Variants in BRINP1 observed in about 807,000 individuals in gnomAD.
The protein encoded by BRINP1 is BMP/retinoic acid-inducible neural-specific protein 1.
BRINP1 carries 17 observed loss-of-function variants against 72.9 expected under a neutral mutation model. The observed-to-expected ratio is 0.23, with a 90% CI of 0.16 to 0.35. BRINP1 has a LOEUF of 0.35. BRINP1 is among the 10% of genes least tolerant of loss of function. The pLI, the probability that BRINP1 is intolerant of heterozygous loss-of-function variation, is 1.00. For missense variants in BRINP1, 850 were observed against 1,001.6 expected, an observed-to-expected ratio of 0.85 and a Z score of 2.04; for synonymous variants, 418 against 378.5, an observed-to-expected ratio of 1.10 and a Z score of -1.21.
At chr9:119,184,080 CA>C (rs1320439424) in intron 7 of BRINP1, among the ~76,000 whole-genome samples, 1 of 152,082 alleles carries the variant, frequency 6.6e-6, no homozygotes, top group African/African-American at 2.4e-5. Flanking sequence ...TTCCGAGCCA[CA>C]GGGGGGGAGA....
At chr9:119,298,858 C>G (rs1468331461) in intron 2 of BRINP1, among the ~76,000 whole-genome samples, 2 of 152,140 alleles carry the variant, frequency 1.3e-5, no homozygotes, top group Non-Finnish European at 2.9e-5. Context: ...TACCTGCTTT[C>G]TTTTGTATCC....
chr9:119,314,764 AC>A (rs1283202053), intron 1 of BRINP1, among the ~76,000 whole-genome samples: 4 of 152,166 alleles, frequency 2.6e-5, no homozygotes, highest in Non-Finnish European at 4.4e-5. Flanking sequence ...AACTTTCCTG[AC>A]ATTCAGTTTC....
chr9:119,190,270 A>G (rs1304855356), intron 7 of BRINP1, among the ~76,000 whole-genome samples: 4 of 151,910 alleles, frequency 2.6e-5, no homozygotes, highest in Admixed American at 2.6e-4. Context: ...CTAAACTGTA[A>G]TTTAGCAGAA....
intron 7 of BRINP1, among the ~76,000 whole-genome samples, chr9:119,191,849 ATAC>A (rs1829686898): frequency 6.6e-6 from 1 of 151,958 alleles, no homozygotes; most frequent in Admixed American, 6.6e-5. Flanking sequence ...ATTTAAAATT[ATAC>A]TACAAAATTA....
At chr9:119,285,219 AAAT>A (rs1355136283) in intron 2 of BRINP1, among the ~76,000 whole-genome samples, 1 of 144,266 alleles carries the variant, frequency 6.9e-6, no homozygotes, top group African/African-American at 2.5e-5. Context: ...AAAAAAAAAA[AAAT>A]AGGTTGTAGA....
intron 1 of BRINP1, among the ~76,000 whole-genome samples, chr9:119,329,279 C>T (rs1831273674): frequency 1.3e-5 from 2 of 152,134 alleles, no homozygotes; most frequent in South Asian, 4.2e-4. Context: ...ATGTTTCCAG[C>T]AGGTCCCTAC....
chr9:119,345,262 G>A (rs185104716), intron 1 of BRINP1, among the ~76,000 whole-genome samples: 149 of 152,218 alleles, frequency 9.8e-4, no homozygotes, highest in African/African-American at 3.4e-3. Flanking sequence ...CTCCATGTTA[G>A]ACTTTAGTTT....
At chr9:119,240,543 G>A (rs1385466440) in intron 4 of BRINP1, among the ~76,000 whole-genome samples, 1 of 152,154 alleles carries the variant, frequency 6.6e-6, no homozygotes, top group Non-Finnish European at 1.5e-5. Flanking sequence ...CATCCAGCGA[G>A]GAGAGAACCA....
chr9:119,188,190 C>A (rs1420126976), intron 7 of BRINP1, among the ~76,000 whole-genome samples: 2 of 105,944 alleles, frequency 1.9e-5, no homozygotes, highest in Non-Finnish European at 4.2e-5. Flanking sequence ...TTGGAAGAGA[C>A]ATGAACATCC....
In BRINP1 at chr9:119,288,066, A is replaced by C. The variant is rs1055389556; in HGVS notation, c.218+25072T>G. Among the ~76,000 whole-genome samples, 10 of 152,310 alleles carry C rather than the reference A, an allele frequency of 6.6e-5. No individual in the cohort carries two copies. In the East Asian group the frequency reaches 1.9e-3, roughly 29 times the overall value. Reference sequence around the variant, plus strand: ...AACTTTTTGTGGGTCAAGCAAAATCATGCCTTTGGAGGAAGGTTTAGATAT... The same window carrying C: ...AACTTTTTGTGGGTCAAGCAAAATCCTGCCTTTGGAGGAAGGTTTAGATAT... On this transcript the variant is annotated intron_variant, in intron 2 of 7. Transcript: ENST00000265922.
At chr9:119,239,956 G>T (rs139491095) in intron 4 of BRINP1, among the ~76,000 whole-genome samples, 1 of 151,864 alleles carries the variant, frequency 6.6e-6, no homozygotes, top group Non-Finnish European at 1.5e-5. Context: ...AAACTTCTCC[G>T]CCCGGGTTAG....
In BRINP1 at chr9:119,166,916, A is replaced by G. The variant is rs547292646; in HGVS notation, c.*168T>C. The G allele has an allele frequency of 2.5e-5, 18 of 713,428 alleles. No individual in the cohort carries two copies. Among genetic ancestry groups the G allele is most frequent in the Middle Eastern group, 8.2e-4 (2 of 2,446 alleles). 44.2% of individuals were successfully genotyped at this position (713,428 alleles called of 1,614,324 possible). ...TAACAAACATGCCCAACGCTTTTAT[A>G]CAGTTGCTAGAACGTTTTCATTTCC... On this transcript the variant is annotated 3_prime_UTR_variant, in exon 8 of 8. Coordinates refer to ENST00000265922, the MANE Select transcript of BRINP1 (RefSeq NM_014618.3).
chr9:119,238,543 T>A, intron 5 of BRINP1, 112 bp downstream of exon 5: 1 of 608,774 alleles, frequency 1.6e-6, no homozygotes, highest in Non-Finnish European at 2.8e-6. Flanking sequence ...AGATTTTCTA[T>A]GCTTCCTCTT....
chr9:119,278,975 CA>C (rs1269101768), intron 2 of BRINP1, among the ~76,000 whole-genome samples: 1 of 151,842 alleles, frequency 6.6e-6, no homozygotes, highest in East Asian at 1.9e-4. Context: ...CAAAATATCC[CA>C]AAAAAGAAAG....
At chr9:119,342,200 T>A (rs926409220) in intron 1 of BRINP1, among the ~76,000 whole-genome samples, 1 of 152,202 alleles carries the variant, frequency 6.6e-6, no homozygotes, top group Non-Finnish European at 1.5e-5. Flanking sequence ...CTATATTTAC[T>A]CATACAGTTA....
At chr9:119,173,011 C>T (rs1342846029) in intron 7 of BRINP1, among the ~76,000 whole-genome samples, 1 of 148,786 alleles carries the variant, frequency 6.7e-6, no homozygotes, top group Non-Finnish European at 1.5e-5. Flanking sequence ...TATGACAAAC[C>T]CACAGCCGAT....
intron 1 of BRINP1, among the ~76,000 whole-genome samples, chr9:119,317,184 A>G (rs1388869272): frequency 1.3e-5 from 2 of 152,224 alleles, no homozygotes; most frequent in African/African-American, 2.4e-5. Flanking sequence ...GGCATTGCAC[A>G]TTGGAAAACT....
At chr9:119,356,520 T>A (rs529729883) in intron 1 of BRINP1, among the ~76,000 whole-genome samples, 1 of 152,288 alleles carries the variant, frequency 6.6e-6, no homozygotes, top group Non-Finnish European at 1.5e-5. Context: ...AATGTTTGTT[T>A]AGCTGGGCAC....
chr9:119,289,670 CAG>C lies in BRINP1; in HGVS notation c.218+23466_218+23467del, dbSNP rs1830802669. ...ACCTCACACAGAACCCCAGCTACCACAGATAGCATTTTAAGCATACTGCCTGT... is the reference window on the plus strand; with the variant it reads ...ACCTCACACAGAACCCCAGCTACCACATAGCATTTTAAGCATACTGCCTGT... On this transcript the variant is annotated intron_variant, in intron 2 of 7. Transcript: ENST00000265922. 2.0e-5 allele frequency among the ~76,000 whole-genome samples: 3 copies of C among 152,202 alleles called. No individual in the cohort carries two copies. In the South Asian group the frequency reaches 6.2e-4, roughly 32 times the overall value.
Sources: gnomAD v4.1 joint callset for allele counts (sites outside exome capture counted in the v4.1 genomes callset) on GRCh38, gnomAD v4.1.1 for gene constraint, MANE v1.5 for transcripts, NCBI Gene and HGNC (gene_info 2026-07-23, HGNC 2026-07-21) for gene names.